TMEM132D: variants seen among roughly 807,000 people sequenced by gnomAD.
TMEM132D encodes mature OL transmembrane protein.
TMEM132D carries 21 observed loss-of-function variants against 62.3 expected under a neutral mutation model. That is an observed-to-expected ratio of 0.34 (90% confidence interval 0.24 to 0.49). The LOEUF (loss-of-function observed/expected upper bound fraction) is 0.49, where lower values mean the gene tolerates loss of function less well. Among genes scored for constraint, TMEM132D ranks in the 20% least tolerant of loss-of-function variants. The probability of loss-of-function intolerance (pLI) is 0.99; values close to 1 mark genes in which losing one functional copy is unlikely to be tolerated. For missense variants in TMEM132D, 1,346 were observed against 1,402.8 expected, an observed-to-expected ratio of 0.96 and a Z score of 0.65; for synonymous variants, 621 against 575.6, an observed-to-expected ratio of 1.08 and a Z score of -1.13.
In TMEM132D at chr12:129,813,030, C is replaced by T. The variant is rs1039963095; in HGVS notation, c.79+90231G>A. 7.2e-5 allele frequency among the ~76,000 whole-genome samples: 11 copies of T among 151,826 alleles called. 1 individual carries two copies. Among genetic ancestry groups the T allele is most frequent in the African/African-American group, 2.7e-4 (11 of 41,352 alleles). ...GACTCCTGCGCCTTCCACTTCTTTC[C>T]GTCTCGGCGCAGAACACCATCACAG... is the stretch of plus-strand genomic sequence containing the variant. On this transcript the variant is annotated intron_variant, in intron 1 of 8. Coordinates refer to ENST00000422113, the MANE Select transcript of TMEM132D (RefSeq NM_133448.3).
chr12:129,247,234 T>C (rs1208318568), intron 4 of TMEM132D, among the ~76,000 whole-genome samples: 2 of 152,148 alleles, frequency 1.3e-5, no homozygotes, highest in African/African-American at 2.4e-5. Context: ...GGGTTAGTCG[T>C]TGGGGTTGGG....
At chr12:129,598,967 C>T (rs763153266) in intron 2 of TMEM132D, among the ~76,000 whole-genome samples, 24 of 152,124 alleles carry the variant, frequency 1.6e-4, no homozygotes, top group Admixed American at 1.3e-4. Flanking sequence ...TATCTAATGA[C>T]ACTAAACCAA....
intron 5 of TMEM132D, among the ~76,000 whole-genome samples, chr12:129,185,944 C>G (rs919770715): frequency 1.3e-5 from 2 of 152,176 alleles, no homozygotes; most frequent in African/African-American, 4.8e-5. Flanking sequence ...TTTGCTCTGA[C>G]AACACCCTGG....
intron 1 of TMEM132D, among the ~76,000 whole-genome samples, chr12:129,892,505 TC>T (rs533502234): frequency 1.4e-4 from 22 of 152,114 alleles, no homozygotes; most frequent in Non-Finnish European, 2.8e-4. Flanking sequence ...CTTTCTCTCC[TC>T]CCCTCTTCCC....
intron 4 of TMEM132D, among the ~76,000 whole-genome samples, chr12:129,246,103 A>G (rs1182071860): frequency 6.6e-6 from 1 of 151,912 alleles, no homozygotes; most frequent in South Asian, 2.1e-4. Flanking sequence ...AAGTTTTCCT[A>G]TCACAAAGTA....
intron 1 of TMEM132D, among the ~76,000 whole-genome samples, chr12:129,821,525 G>A (rs1047116456): frequency 6.6e-6 from 1 of 152,232 alleles, no homozygotes; most frequent in Non-Finnish European, 1.5e-5. Flanking sequence ...TGCCTGGAAA[G>A]GAAGCCACGT....
intron 1 of TMEM132D, among the ~76,000 whole-genome samples, chr12:129,836,875 A>G (rs1428537376): frequency 6.6e-6 from 1 of 152,214 alleles, no homozygotes; most frequent in African/African-American, 2.4e-5. Flanking sequence ...ACAGCTTGTT[A>G]AAAAACACAT....
chr12:129,480,229 A>G (rs926830312), intron 3 of TMEM132D, among the ~76,000 whole-genome samples: 4 of 152,240 alleles, frequency 2.6e-5, no homozygotes, highest in Non-Finnish European at 5.9e-5. Context: ...ATGGAGCTGC[A>G]GAGGGGTGCA....
chr12:129,397,351 T>C (rs1012506360), intron 3 of TMEM132D, among the ~76,000 whole-genome samples: 1 of 152,208 alleles, frequency 6.6e-6, no homozygotes, highest in Non-Finnish European at 1.5e-5. Flanking sequence ...TCACTTGGGT[T>C]CAGAAATTAG....
At chr12:129,635,006 C>T (rs1264344083) in intron 2 of TMEM132D, among the ~76,000 whole-genome samples, 2 of 152,084 alleles carry the variant, frequency 1.3e-5, no homozygotes, top group East Asian at 3.8e-4. Flanking sequence ...AATTTTTAAA[C>T]AAACTCAAAA....
chr12:129,727,428 C>T (rs1429331026), intron 1 of TMEM132D, among the ~76,000 whole-genome samples: 3 of 152,190 alleles, frequency 2.0e-5, no homozygotes, highest in African/African-American at 7.2e-5. Flanking sequence ...GGTACCAATC[C>T]ATTCATGAAG....
intron 1 of TMEM132D, among the ~76,000 whole-genome samples, chr12:129,894,382 G>T (rs1378483928): frequency 6.6e-6 from 1 of 152,204 alleles, no homozygotes; most frequent in Non-Finnish European, 1.5e-5. Flanking sequence ...GGTGAGATTT[G>T]GGAGGGGACT....
intron 3 of TMEM132D, among the ~76,000 whole-genome samples, chr12:129,409,961 A>G (rs1976829): frequency 0.87 from 132,283 of 152,216 alleles, 58,094 homozygotes; most frequent in Non-Finnish European, 0.94. Flanking sequence ...TGTATGCCTA[A>G]GAACGTCACT....
At position 129,330,588 on chromosome 12, in the gene TMEM132D, G is replaced by T. The variant is rs78303367; in HGVS notation, c.1299+7046C>A. Among the ~76,000 whole-genome samples the T allele has an allele frequency of 3.1e-3, 465 of 152,290 alleles. 2 individuals are homozygous for T. The highest frequency in any genetic ancestry group is 0.011 in the African/African-American group (445 of 41,550). The stretch of plus-strand genomic sequence containing the variant: ...AATGGGTTATCATGGGAGTGAGACT[G>T]GTGGCATTGTAAGAGGAGGCAGAGA... On this transcript the variant is annotated intron_variant, in intron 4 of 8. Transcript: ENST00000422113.
intron 2 of TMEM132D, among the ~76,000 whole-genome samples, chr12:129,574,916 G>A (rs1045259439): frequency 1.3e-5 from 2 of 151,780 alleles, no homozygotes; most frequent in African/African-American, 4.9e-5. Context: ...GATTGCCAGG[G>A]AAAAGGAGAT....
At chr12:129,596,045 G>A (rs1205949086) in intron 2 of TMEM132D, among the ~76,000 whole-genome samples, 1 of 152,184 alleles carries the variant, frequency 6.6e-6, no homozygotes, top group Non-Finnish European at 1.5e-5. Flanking sequence ...TGAAGAATAG[G>A]CAGCCAGTAT....
At chr12:129,893,387 C>T (rs545961407) in intron 1 of TMEM132D, among the ~76,000 whole-genome samples, 1 of 150,558 alleles carries the variant, frequency 6.6e-6, no homozygotes, top group African/African-American at 2.4e-5. Context: ...GAGTAAGAAG[C>T]TCTCCCACCC....
intron 2 of TMEM132D, among the ~76,000 whole-genome samples, chr12:129,549,060 T>A (rs922498403): frequency 5.3e-5 from 8 of 152,202 alleles, no homozygotes; most frequent in Non-Finnish European, 1.0e-4. Context: ...ATGGTTTGGC[T>A]GTGTCCCCAC....
chr12:129,493,397 C>T (rs1334913609), intron 3 of TMEM132D, among the ~76,000 whole-genome samples: 1 of 152,136 alleles, frequency 6.6e-6, no homozygotes, highest in African/African-American at 2.4e-5. Context: ...AATAAATACA[C>T]ATTACTAAAA....
Sources: gnomAD v4.1 joint callset for allele counts (sites outside exome capture counted in the v4.1 genomes callset) on GRCh38, gnomAD v4.1.1 for gene constraint, MANE v1.5 for transcripts, NCBI Gene and HGNC (gene_info 2026-07-23, HGNC 2026-07-21) for gene names.